BZW2: variants seen among roughly 807,000 people sequenced by gnomAD.
The protein encoded by BZW2 is eIF5-mimic protein 1.
In BZW2, 23 loss-of-function variants were observed where a neutral mutation model predicts 53.2. The ratio of observed to expected loss-of-function variants is 0.43; its 90% confidence interval spans 0.31 to 0.61. The LOEUF (loss-of-function observed/expected upper bound fraction) is 0.61. Ranked by LOEUF, BZW2 falls within the 20% of genes least tolerant of loss-of-function variation. The probability of loss-of-function intolerance (pLI) is 0.09; values close to 1 mark genes in which losing one functional copy is unlikely to be tolerated. For synonymous variants in BZW2, 227 were observed against 186.4 expected (o/e 1.22, Z -1.77); for missense variants, 409 against 503.1 (o/e 0.81, Z 1.79).
chr7:16,690,534 G>T (rs564030588), intron 7 of BZW2, among the ~76,000 whole-genome samples: 1 of 151,992 alleles, frequency 6.6e-6, no homozygotes. Flanking sequence ...ACATTTTAAG[G>T]TTTTAATATG....
chr7:16,676,078 C>T (rs1431577646), intron 3 of BZW2, among the ~76,000 whole-genome samples: 1 of 151,960 alleles, frequency 6.6e-6, no homozygotes, highest in Non-Finnish European at 1.5e-5. Context: ...GAGATTCTCT[C>T]TCGAAAAGAA....
chr7:16,674,645 A>T, intron 3 of BZW2, 57 bp downstream of exon 3: 1 of 1,321,732 alleles, frequency 7.6e-7, no homozygotes. Context: ...ATTCTGTTGA[A>T]GTATTTCCTT....
chr7:16,661,355 G>T (rs1306369310), intron 1 of BZW2: 1 of 152,078 alleles, frequency 6.6e-6, no homozygotes, highest in Admixed American at 6.5e-5. Flanking sequence ...ATCCACTTAA[G>T]GTGGGCTGGG....
chr7:16,665,440 T>A lies in BZW2; in HGVS notation c.-4T>A. The A allele has an allele frequency of 6.2e-7, 1 of 1,614,164 alleles. No homozygotes were observed. Among genetic ancestry groups the A allele is most frequent in the South Asian group, 1.1e-5 (1 of 91,078 alleles). On this transcript the variant is annotated 5_prime_UTR_variant, in exon 2 of 12. Transcript: ENST00000258761. ...TCTTTATTTTCTTTGTTTTCAGAAATTTTATGAATAAGCATCAGAAGCCAG... is the reference window on the plus strand; with the variant it reads ...TCTTTATTTTCTTTGTTTTCAGAAAATTTATGAATAAGCATCAGAAGCCAG...
At position 16,685,988 on chromosome 7, in the gene BZW2, C is replaced by T. The variant is rs763051634; in HGVS notation, c.489C>T (p.Thr163=). 10 of 1,604,288 alleles carry T rather than the reference C, an allele frequency of 6.2e-6. No homozygotes were observed. In the South Asian group the frequency reaches 1.0e-4, roughly 16 times the overall value. The change falls in exon 6 of 12, where the codon ACC becomes ACT. Residue 163 remains threonine, a synonymous_variant. Transcript: ENST00000258761. ...CGGGGATTCTGCTGGGCAATGGCAC[C>T]CTGCCCGCCACCATCCTCACCAGTC... ...MLSGILLGNG[T]LPATILTSLF...
chr7:16,664,198 A>G (rs1782351831), intron 1 of BZW2, among the ~76,000 whole-genome samples: 2 of 152,244 alleles, frequency 1.3e-5, no homozygotes, highest in Admixed American at 6.5e-5. Context: ...AAAGATACAG[A>G]ATGGAGGAGC....
intron 1 of BZW2, among the ~76,000 whole-genome samples, chr7:16,652,226 G>A (rs946583763): frequency 5.9e-5 from 9 of 152,118 alleles, no homozygotes; most frequent in African/African-American, 1.4e-4. Flanking sequence ...ATTCCATTCC[G>A]CGTGGATGCC....
chr7:16,664,178 G>T (rs947997625), intron 1 of BZW2, among the ~76,000 whole-genome samples: 52 of 152,212 alleles, frequency 3.4e-4, no homozygotes, highest in African/African-American at 1.2e-3. Flanking sequence ...TTTATACTTT[G>T]CTCAATATAA....
chr7:16,686,359 C>T (rs542339663), intron 6 of BZW2: 86 of 248,480 alleles, frequency 3.5e-4, no homozygotes, highest in African/African-American at 1.7e-3. Flanking sequence ...TTTTGCCCTT[C>T]GACACAAAAT....
rs954586742 is a variant in BZW2, at chr7:16,706,314, T to C, written c.*226T>C. On this transcript the variant is annotated 3_prime_UTR_variant, in exon 12 of 12. Coordinates refer to ENST00000258761, the MANE Select transcript of BZW2 (RefSeq NM_014038.3). ...GGGACTCTACCTCTCACTCACTATA[T>C]GCTAACTTAAAGCCATTCAACAAGG... The C allele has an allele frequency of 6.0e-6, 3 of 503,760 alleles. No homozygotes were observed. Among genetic ancestry groups the C allele is most frequent in the African/African-American group, 5.9e-5 (3 of 50,930 alleles). 31.2% of individuals were successfully genotyped at this position (503,760 alleles called of 1,614,324 possible).
At chr7:16,670,453 A>C (rs183756439) in intron 2 of BZW2, among the ~76,000 whole-genome samples, 9 of 152,354 alleles carry the variant, frequency 5.9e-5, no homozygotes, top group Non-Finnish European at 1.3e-4. Context: ...TACCACCTGA[A>C]TCAACATCCA....
intron 4 of BZW2, among the ~76,000 whole-genome samples, chr7:16,681,813 A>T (rs1397786975): frequency 1.3e-5 from 2 of 152,194 alleles, no homozygotes; most frequent in African/African-American, 4.8e-5. Flanking sequence ...TTGGTGACAG[A>T]GTGAGATTCC....
intron 5 of BZW2, among the ~76,000 whole-genome samples, chr7:16,683,788 A>G (rs1783029707): frequency 6.6e-6 from 1 of 152,210 alleles, no homozygotes; most frequent in Admixed American, 6.5e-5. Flanking sequence ...ATAACTATCT[A>G]AAGTAAAAAA....
intron 11 of BZW2, 51 bp downstream of exon 11, chr7:16,704,720 A>G: frequency 1.4e-6 from 2 of 1,429,160 alleles, no homozygotes; most frequent in East Asian, 2.4e-5. Context: ...GTCTCATTAT[A>G]TGTCAAAATA....
At chr7:16,677,782 G>A (rs1210031636) in intron 3 of BZW2, among the ~76,000 whole-genome samples, 1 of 152,136 alleles carries the variant, frequency 6.6e-6, no homozygotes, top group Non-Finnish European at 1.5e-5. Context: ...GCCTGGTCCA[G>A]TAAATAATAA....
chr7:16,683,423 C>T (rs570734281), intron 5 of BZW2, among the ~76,000 whole-genome samples: 32 of 152,202 alleles, frequency 2.1e-4, no homozygotes, highest in South Asian at 8.3e-4. Context: ...AATAGTTTTA[C>T]GGGCTATAAC....
chr7:16,686,169 T>C (rs1783119953), intron 6 of BZW2, 129 bp downstream of exon 6: 1 of 1,371,592 alleles, frequency 7.3e-7, no homozygotes, highest in Non-Finnish European at 1.0e-6. Context: ...AGAATATCTT[T>C]GTATGGGTGT....
intron 6 of BZW2, chr7:16,686,822 A>G (rs1783141972): frequency 6.6e-6 from 1 of 152,204 alleles, no homozygotes; most frequent in African/African-American, 2.4e-5. Context: ...AAAGAATAGT[A>G]AATTGAGAGT....
intron 11 of BZW2, among the ~76,000 whole-genome samples, chr7:16,705,456 C>T (rs527634185): frequency 3.3e-4 from 50 of 152,136 alleles, no homozygotes; most frequent in African/African-American, 1.1e-3. Flanking sequence ...GAGGCCAAGG[C>T]GGGCAGATCA....
Sources: gnomAD v4.1 joint callset for allele counts (sites outside exome capture counted in the v4.1 genomes callset) on GRCh38, gnomAD v4.1.1 for gene constraint, MANE v1.5 for transcripts, NCBI Gene and HGNC (gene_info 2026-07-23, HGNC 2026-07-21) for gene names.